The following TMEM116 variants were observed in gnomAD, a reference collection of about 807,000 sequenced individuals.
TMEM116 encodes the protein transmembrane protein 116.
In TMEM116, 38 loss-of-function variants were observed where a neutral mutation model predicts 44.3. That is an observed-to-expected ratio of 0.86 (90% CI 0.66 to 1.12). The LOEUF is 1.12. Ranked by LOEUF, TMEM116 falls within the 50% of genes most tolerant of loss-of-function variation. TMEM116 has a pLI of 0.00. For missense variants in TMEM116, 354 were observed against 401.7 expected (o/e 0.88, Z 1.01); for synonymous variants, 132 against 144.8 (o/e 0.91, Z 0.64).
At chr12:111,932,378 G>A (rs988658123) in intron 10 of TMEM116, among the ~76,000 whole-genome samples, 1 of 152,160 alleles carries the variant, frequency 6.6e-6, no homozygotes, top group African/African-American at 2.4e-5. Flanking sequence ...ATACGCTCTG[G>A]AATGCATGGA....
intron 1 of TMEM116, among the ~76,000 whole-genome samples, chr12:112,009,175 G>A (rs1303293190): frequency 1.3e-5 from 2 of 152,042 alleles, no homozygotes; most frequent in Non-Finnish European, 2.9e-5. Context: ...ACAATATAAA[G>A]TATAAAACAA....
intron 4 of TMEM116, among the ~76,000 whole-genome samples, chr12:111,960,607 T>C (rs2074512338): frequency 7.1e-6 from 1 of 140,370 alleles, no homozygotes; most frequent in Non-Finnish European, 1.5e-5. Flanking sequence ...AAGGAAGCAA[T>C]ACGTAAGTTC....
intron 5 of TMEM116, among the ~76,000 whole-genome samples, chr12:111,941,134 T>C (rs1028837453): frequency 9.2e-5 from 14 of 151,970 alleles, no homozygotes; most frequent in Non-Finnish European, 1.6e-4. Context: ...TCCCAGCACT[T>C]TGGGGGGCTG....
At chr12:111,957,236 C>T (rs1035518048) in intron 4 of TMEM116, among the ~76,000 whole-genome samples, 19 of 151,346 alleles carry the variant, frequency 1.3e-4, no homozygotes, top group African/African-American at 2.9e-4. Context: ...ACCTCTGCCC[C>T]GCCGCCCCAT....
intron 4 of TMEM116, among the ~76,000 whole-genome samples, chr12:111,989,932 T>C (rs1319771013): frequency 6.6e-6 from 1 of 152,134 alleles, no homozygotes; most frequent in Non-Finnish European, 1.5e-5. Flanking sequence ...TATAGTTTAC[T>C]ATAGATACAG....
intron 10 of TMEM116, among the ~76,000 whole-genome samples, chr12:111,932,378 G>C (rs988658123): frequency 6.6e-6 from 1 of 152,160 alleles, no homozygotes; most frequent in African/African-American, 2.4e-5. Flanking sequence ...ATACGCTCTG[G>C]AATGCATGGA....
chr12:111,973,024 G>T (rs1565922799), intron 4 of TMEM116, among the ~76,000 whole-genome samples: 2 of 152,164 alleles, frequency 1.3e-5, no homozygotes, highest in Admixed American at 6.5e-5. Flanking sequence ...TGTAGTCCCA[G>T]CTACTCAGGA....
At chr12:111,973,434 T>A (rs1310769980) in intron 4 of TMEM116, among the ~76,000 whole-genome samples, 1 of 152,140 alleles carries the variant, frequency 6.6e-6, no homozygotes, top group Non-Finnish European at 1.5e-5. Context: ...ATCACTTGAG[T>A]CCAGGAGTGT....
At chr12:112,005,710 T>C in intron 1 of TMEM116, 3 of 984,386 alleles carry the variant, frequency 3.0e-6, no homozygotes, top group Non-Finnish European at 3.6e-6. Context: ...GAACAAAATG[T>C]AGAGTGGGTA....
intron 4 of TMEM116, among the ~76,000 whole-genome samples, chr12:111,946,570 G>C (rs1271577446): frequency 6.6e-6 from 1 of 152,168 alleles, no homozygotes; most frequent in South Asian, 2.1e-4. Context: ...TGGGCCAGGT[G>C]TTCCTTGCCC....
chr12:111,996,615 G>C (rs1017649567), intron 3 of TMEM116, among the ~76,000 whole-genome samples: 1 of 152,080 alleles, frequency 6.6e-6, no homozygotes, highest in South Asian at 2.1e-4. Flanking sequence ...CATTAATTTA[G>C]GGGCAGTGGA....
At chr12:111,968,142 G>A (rs908683709) in intron 4 of TMEM116, among the ~76,000 whole-genome samples, 13 of 152,144 alleles carry the variant, frequency 8.5e-5, no homozygotes, top group Admixed American at 2.0e-4. Flanking sequence ...ACTGACTGGC[G>A]CATGTGTCTA....
At chr12:112,000,883 T>C in intron 3 of TMEM116, 1 of 433,654 alleles carries the variant, frequency 2.3e-6, no homozygotes. Flanking sequence ...CTCTGGTCTA[T>C]TCTCCAGCCA....
chr12:112,001,843 C>G (rs2136701795), intron 3 of TMEM116, among the ~76,000 whole-genome samples: 1 of 152,280 alleles, frequency 6.6e-6, no homozygotes, highest in Non-Finnish European at 1.5e-5. Context: ...CACAATCTAC[C>G]ACTGAAACTT....
At chr12:111,957,091 C>T (rs377483590) in intron 4 of TMEM116, among the ~76,000 whole-genome samples, 60 of 151,748 alleles carry the variant, frequency 4.0e-4, no homozygotes, top group African/African-American at 1.4e-3. Flanking sequence ...GGCCACCCAT[C>T]GTCTGGGATG....
At position 111,934,044 on chromosome 12, in the gene TMEM116, C is replaced by G. The variant is rs756890440; in HGVS notation, c.589-14G>C. ...GATAAGTAAGACCTAAATATGAGTA[C>G]AGCAGTGAGCAGTTTGCTTAAAGCT... On this transcript the variant is annotated splice_polypyrimidine_tract_variant and intron_variant, in intron 8 of 10. Transcript: ENST00000552374. 1.2e-6 allele frequency: 2 copies of G among 1,613,452 alleles called. No individual in the cohort carries two copies. Among genetic ancestry groups the G allele is most frequent in the African/African-American group, 2.7e-5 (2 of 74,908 alleles).
chr12:111,942,294 G>C (rs190093159), intron 5 of TMEM116, among the ~76,000 whole-genome samples: 13 of 150,726 alleles, frequency 8.6e-5, no homozygotes, highest in African/African-American at 2.9e-4. Context: ...TTTTTGAGAC[G>C]GAGTCTCTCT....
chr12:111,933,489 C>CTT (rs202131081), intron 9 of TMEM116, among the ~76,000 whole-genome samples: 69 of 134,816 alleles, frequency 5.1e-4, no homozygotes, highest in East Asian at 1.5e-3. Flanking sequence ...AGCCATCCTT[C>CTT]TTTTTTTTTT....
intron 4 of TMEM116, among the ~76,000 whole-genome samples, chr12:111,974,521 G>T (rs913441923): frequency 1.3e-5 from 2 of 152,018 alleles, no homozygotes; most frequent in Non-Finnish European, 2.9e-5. Flanking sequence ...AGCTGGGCGT[G>T]GTGGTGCACG....
Sources: gnomAD v4.1 joint callset for allele counts (sites outside exome capture counted in the v4.1 genomes callset) on GRCh38, gnomAD v4.1.1 for gene constraint, MANE v1.5 for transcripts, NCBI Gene and HGNC (gene_info 2026-07-23, HGNC 2026-07-21) for gene names.